PRIM2: variants seen among roughly 807,000 people sequenced by gnomAD.
PRIM2 encodes DNA primase large subunit.
A neutral mutation model predicts 67.3 loss-of-function variants in PRIM2; 39 were observed. The ratio of observed to expected loss-of-function variants is 0.58; its 90% CI spans 0.45 to 0.76. PRIM2 has a LOEUF of 0.76. Among genes scored for constraint, PRIM2 ranks in the 30% least tolerant of loss-of-function variants. PRIM2 has a pLI of 0.00. For synonymous variants in PRIM2, 143 were observed against 198.7 expected (o/e 0.72, Z 2.36); for missense variants, 398 against 598.7 (o/e 0.66, Z 3.50).
At chr6:57,251,598 T>C in the PRIM2 span, among the ~76,000 whole-genome samples, 2 of 152,218 alleles carry the variant, frequency 1.3e-5, no homozygotes, top group African/African-American at 4.8e-5. Flanking sequence ...AAGGGTAAGT[T>C]ATGTACATCA....
At chr6:57,312,516 G>T (rs2127263060), upstream of PRIM2, among the ~76,000 whole-genome samples, 1 of 152,070 alleles carries the variant, frequency 6.6e-6, no homozygotes, top group Admixed American at 6.6e-5. Context: ...CAAATGAACA[G>T]AAACTCCCTC....
intron 7 of PRIM2, among the ~76,000 whole-genome samples, chr6:57,455,595 A>G (rs1329865323): frequency 6.6e-6 from 1 of 152,110 alleles, no homozygotes; most frequent in Admixed American, 6.6e-5. Context: ...TTTATCAGAG[A>G]CTAGGACTGC....
chr6:57,637,295 T>C (rs1777138355), intron 13 of PRIM2, among the ~76,000 whole-genome samples: 1 of 152,124 alleles, frequency 6.6e-6, no homozygotes, highest in African/African-American at 2.4e-5. Context: ...TCACAAAGAC[T>C]GGGAGAAACC....
intron 12 of PRIM2, 58 bp downstream of exon 12, chr6:57,606,515 G>A: frequency 1.5e-6 from 2 of 1,375,968 alleles, no homozygotes; most frequent in Non-Finnish European, 2.0e-6. Context: ...AGATCTCTCG[G>A]TTTTATTTAA....
chr6:57,422,028 A>G (rs1771480224), intron 7 of PRIM2, among the ~76,000 whole-genome samples: 1 of 152,126 alleles, frequency 6.6e-6, no homozygotes, highest in African/African-American at 2.4e-5. Context: ...TCTTAAAAAT[A>G]TATCTTGCAT....
At chr6:57,414,409 T>C (rs1771192537) in intron 7 of PRIM2, among the ~76,000 whole-genome samples, 2 of 152,290 alleles carry the variant, frequency 1.3e-5, no homozygotes, top group African/African-American at 4.8e-5. Context: ...AGAGGTGTTC[T>C]CAATTTGTAA....
At chr6:57,486,376 G>A (rs1487245041) in intron 7 of PRIM2, among the ~76,000 whole-genome samples, 3 of 152,180 alleles carry the variant, frequency 2.0e-5, no homozygotes, top group Admixed American at 6.5e-5. Context: ...TGCAACCTAC[G>A]GCATGAATGG....
Position 57,516,361 on chromosome 6 carries a change from G to A in PRIM2, c.761+8907G>A, listed in dbSNP as rs1277458548. Reference sequence around the variant, plus strand: ...GAGGTGGGAGTATGGAGTGAAAACAGCTTTTTGTATCACTTTTCATCAATT... The same window carrying A: ...GAGGTGGGAGTATGGAGTGAAAACAACTTTTTGTATCACTTTTCATCAATT... On this transcript the variant is annotated intron_variant, in intron 8 of 13. Transcript: ENST00000615550. Among the ~76,000 whole-genome samples the A allele has an allele frequency of 2.0e-5, 3 of 152,100 alleles. No individual in the cohort carries two copies. In the East Asian group the frequency reaches 5.8e-4, roughly 29 times the overall value.
At chr6:57,614,834 A>G (rs1189899884) in intron 12 of PRIM2, among the ~76,000 whole-genome samples, 4 of 152,196 alleles carry the variant, frequency 2.6e-5, no homozygotes, top group Non-Finnish European at 5.9e-5. Flanking sequence ...TGGGCAACAG[A>G]GCGAGACTCT....
chr6:57,241,534 A>G, the PRIM2 span, among the ~76,000 whole-genome samples: 1 of 152,074 alleles, frequency 6.6e-6, no homozygotes, highest in Non-Finnish European at 1.5e-5. Context: ...AAAACTTTAA[A>G]AAATAGCAGT....
At chr6:57,548,402 A>G (rs2127474101) in intron 10 of PRIM2, among the ~76,000 whole-genome samples, 1 of 152,322 alleles carries the variant, frequency 6.6e-6, no homozygotes, top group East Asian at 1.9e-4. Context: ...CTAGGTACAG[A>G]GGGTGACTGT....
chr6:57,543,141 G>A (rs1408903808), intron 10 of PRIM2, among the ~76,000 whole-genome samples: 15 of 149,970 alleles, frequency 1.0e-4, no homozygotes, highest in Admixed American at 6.6e-4. Context: ...GGGTTTCACC[G>A]TGTTAGCCAG....
the PRIM2 span, among the ~76,000 whole-genome samples, chr6:57,291,699 A>T: frequency 6.6e-6 from 1 of 152,328 alleles, no homozygotes; most frequent in Admixed American, 6.5e-5. Context: ...AACATATGCA[A>T]ATCAATAAAC....
In PRIM2 at chr6:57,481,905, C is replaced by T. The variant is rs1457375211; in HGVS notation, c.694-25482C>T. Among the ~76,000 whole-genome samples, 448 of 152,036 alleles carry T rather than the reference C, an allele frequency of 2.9e-3. 3 individuals carry two copies. Among genetic ancestry groups the T allele is most frequent in the African/African-American group, 9.9e-3 (411 of 41,474 alleles). ...TTTTGTGTTAGAAACAGACATGATT[C>T]GGGATGATTTTTTTCCTGGCTTACA... On this transcript the variant is annotated intron_variant, in intron 7 of 13. Coordinates refer to ENST00000615550, the MANE Select transcript of PRIM2 (RefSeq NM_000947.5).
the PRIM2 span, among the ~76,000 whole-genome samples, chr6:57,276,855 C>G: frequency 6.6e-6 from 1 of 151,486 alleles, no homozygotes. Flanking sequence ...CGCCACTGCA[C>G]TCCAGCCTGG....
the PRIM2 span, among the ~76,000 whole-genome samples, chr6:57,296,113 C>T: frequency 2.0e-5 from 3 of 152,050 alleles, no homozygotes; most frequent in Admixed American, 6.6e-5. Context: ...GAATAACAAC[C>T]GCACTGAAGG....
chr6:57,238,111 A>G, the PRIM2 span, among the ~76,000 whole-genome samples: 2 of 152,222 alleles, frequency 1.3e-5, no homozygotes, highest in Non-Finnish European at 1.5e-5. Flanking sequence ...CACAATAATC[A>G]TGGGAGACTT....
intron 7 of PRIM2, among the ~76,000 whole-genome samples, chr6:57,477,580 T>C (rs1361509466): frequency 3.2e-4 from 49 of 152,252 alleles, no homozygotes; most frequent in African/African-American, 1.2e-3. Flanking sequence ...TATGCCTTGT[T>C]GACACATAAT....
intron 8 of PRIM2, among the ~76,000 whole-genome samples, chr6:57,513,112 A>G (rs1367874045): frequency 6.6e-6 from 1 of 151,732 alleles, no homozygotes; most frequent in Non-Finnish European, 1.5e-5. Context: ...ACCAAATTGC[A>G]TATGATTAGA....
Sources: gnomAD v4.1 joint callset for allele counts (sites outside exome capture counted in the v4.1 genomes callset) on GRCh38, gnomAD v4.1.1 for gene constraint, MANE v1.5 for transcripts, NCBI Gene and HGNC (gene_info 2026-07-23, HGNC 2026-07-21) for gene names.